DLGAP2: variants seen among roughly 807,000 people sequenced by gnomAD.
DLGAP2 encodes the protein DLG associated protein 2.
In DLGAP2, 26 loss-of-function variants were observed where a neutral mutation model predicts 100.3. The observed-to-expected ratio is 0.26, with a 90% CI of 0.19 to 0.36. The LOEUF is 0.36. Among genes scored for constraint, DLGAP2 ranks in the 10% least tolerant of loss-of-function variants. The pLI, the probability that DLGAP2 is intolerant of heterozygous loss-of-function variation, is 1.00. For synonymous variants in DLGAP2, 886 were observed against 630.1 expected (o/e 1.41, Z -6.08); for missense variants, 1,858 against 1,453.2 (o/e 1.28, Z -4.53).
intron 3 of DLGAP2, among the ~76,000 whole-genome samples, chr8:1,465,698 G>A (rs775930767): frequency 5.9e-5 from 9 of 152,330 alleles, no homozygotes; most frequent in South Asian, 2.1e-4. Context: ...TCAGACAGCC[G>A]TGTGGAAATG....
chr8:804,992 G>C (rs1380555465), intron 1 of DLGAP2, among the ~76,000 whole-genome samples: 2 of 152,022 alleles, frequency 1.3e-5, no homozygotes, highest in African/African-American at 2.4e-5. Flanking sequence ...GCTGGTCTTG[G>C]ATTCCCAGGC....
intron 2 of DLGAP2, among the ~76,000 whole-genome samples, chr8:1,091,838 C>T (rs542935859): frequency 3.9e-4 from 59 of 152,110 alleles, no homozygotes; most frequent in African/African-American, 1.4e-3. Context: ...TCGCCATCCC[C>T]ACACCTGCCT....
At chr8:1,492,601 C>T (rs928281926) in intron 3 of DLGAP2, among the ~76,000 whole-genome samples, 1 of 152,190 alleles carries the variant, frequency 6.6e-6, no homozygotes, top group Non-Finnish European at 1.5e-5. Flanking sequence ...CTCCAAGAGC[C>T]GAGGCCCACG....
At chr8:1,242,941 A>G (rs75142314) in intron 2 of DLGAP2, among the ~76,000 whole-genome samples, 189 of 10,850 alleles carry the variant, frequency 0.017, no homozygotes, top group Non-Finnish European at 0.022. Flanking sequence ...ATGGATTGAT[A>G]GATGGATGGA....
At chr8:1,392,347 C>G (rs1481635412) in intron 3 of DLGAP2, among the ~76,000 whole-genome samples, 1 of 152,128 alleles carries the variant, frequency 6.6e-6, no homozygotes, top group Non-Finnish European at 1.5e-5. Flanking sequence ...TACCCGTTAC[C>G]TGCACTCCCA....
intron 2 of DLGAP2, 52 bp from the exon 3 acceptor site, chr8:1,258,799 G>A (rs1338939057): frequency 9.8e-6 from 12 of 1,227,262 alleles, no homozygotes; most frequent in Non-Finnish European, 9.1e-6. Flanking sequence ...CTTTTTAACT[G>A]CATGGTTGAG....
Position 1,063,528 on chromosome 8 carries a change from T to C in DLGAP2, c.73+155562T>C, listed in dbSNP as rs866259947. On this transcript the variant is annotated intron_variant, in intron 2 of 14. Coordinates refer to ENST00000637795, the MANE Select transcript of DLGAP2 (RefSeq NM_001346810.2). Reference sequence around the variant, plus strand: ...CTTGCCTTAGTATACTGGCTTTTTTTTTTTTTTTTTGCTTTTGCTTTACCT... The same window carrying C: ...CTTGCCTTAGTATACTGGCTTTTTTCTTTTTTTTTTGCTTTTGCTTTACCT... 1.8e-4 allele frequency among the ~76,000 whole-genome samples: 28 copies of C among 151,924 alleles called. No individual in the cohort carries two copies. The Middle Eastern group carries it at 0.021, about 111-fold the overall frequency.
At chr8:762,929 G>A (rs573999630) in intron 1 of DLGAP2, among the ~76,000 whole-genome samples, 1 of 152,100 alleles carries the variant, frequency 6.6e-6, no homozygotes, top group Non-Finnish European at 1.5e-5. Context: ...CACTCACCTC[G>A]GCCTCCCAAA....
At chr8:889,978 C>T (rs1194592813) in intron 1 of DLGAP2, among the ~76,000 whole-genome samples, 3 of 152,034 alleles carry the variant, frequency 2.0e-5, no homozygotes, top group African/African-American at 7.2e-5. Context: ...GCTCACTCAC[C>T]GCCTCCCTTG....
At chr8:1,074,330 A>G (rs1234293420) in intron 2 of DLGAP2, among the ~76,000 whole-genome samples, 2 of 151,786 alleles carry the variant, frequency 1.3e-5, no homozygotes, top group Non-Finnish European at 2.9e-5. Context: ...CAGCAGACTG[A>G]GGCTGAACTC....
At chr8:1,231,282 A>G (rs1249412760) in intron 2 of DLGAP2, among the ~76,000 whole-genome samples, 4 of 152,216 alleles carry the variant, frequency 2.6e-5, no homozygotes, top group African/African-American at 9.6e-5. Flanking sequence ...TCAAACCACA[A>G]TGAGATACCA....
intron 2 of DLGAP2, among the ~76,000 whole-genome samples, chr8:1,136,796 G>A (rs150110703): frequency 1.1e-4 from 16 of 152,334 alleles, no homozygotes; most frequent in African/African-American, 2.6e-4. Context: ...GTGCAGGTGC[G>A]CCTAGAAGAC....
At chr8:1,272,931 G>T (rs1451703290) in intron 3 of DLGAP2, among the ~76,000 whole-genome samples, 1 of 152,178 alleles carries the variant, frequency 6.6e-6, no homozygotes, top group South Asian at 2.1e-4. Context: ...AAGGTGAAAA[G>T]AGGAGCTTCT....
intron 5 of DLGAP2, among the ~76,000 whole-genome samples, chr8:1,552,703 A>C (rs938133384): frequency 2.0e-5 from 3 of 152,232 alleles, no homozygotes; most frequent in African/African-American, 7.2e-5. Flanking sequence ...ATAAGAAGAG[A>C]GAAATAAATG....
intron 2 of DLGAP2, among the ~76,000 whole-genome samples, chr8:1,214,335 T>C (rs1798168371): frequency 6.6e-6 from 1 of 152,166 alleles, no homozygotes. Flanking sequence ...AGGTGATCGT[T>C]TTTCCGTGAG....
intron 6 of DLGAP2, among the ~76,000 whole-genome samples, chr8:1,568,869 G>C (rs1475978603): frequency 8.8e-5 from 6 of 68,462 alleles, no homozygotes; most frequent in Admixed American, 3.8e-4. Context: ...TGTCCACTCA[G>C]CAGACACAAA....
intron 2 of DLGAP2, among the ~76,000 whole-genome samples, chr8:960,421 G>A (rs1330667038): frequency 6.6e-6 from 1 of 151,320 alleles, no homozygotes; most frequent in Admixed American, 6.6e-5. Flanking sequence ...TAGTAGAGAC[G>A]GAGTTTCACC....
intron 1 of DLGAP2, among the ~76,000 whole-genome samples, chr8:792,622 A>G (rs1461509621): frequency 6.6e-6 from 1 of 152,226 alleles, no homozygotes; most frequent in East Asian, 1.9e-4. Flanking sequence ...CACAATACCA[A>G]CATTGTTTGT....
intron 2 of DLGAP2, among the ~76,000 whole-genome samples, chr8:1,150,929 A>T (rs1035203235): frequency 2.0e-5 from 3 of 152,240 alleles, no homozygotes; most frequent in Admixed American, 2.0e-4. Flanking sequence ...ACTTTCTGAG[A>T]TAATCATTAT....
Sources: gnomAD v4.1 joint callset for allele counts (sites outside exome capture counted in the v4.1 genomes callset) on GRCh38, gnomAD v4.1.1 for gene constraint, MANE v1.5 for transcripts, NCBI Gene and HGNC (gene_info 2026-07-23, HGNC 2026-07-21) for gene names.